Variants in CFAP99 observed in about 807,000 individuals in gnomAD.
The protein encoded by CFAP99 is cilia and flagella associated protein 99.
Under a neutral mutation model 82.7 loss-of-function variants are expected in CFAP99, and 84 were observed. The ratio of observed to expected loss-of-function variants is 1.02; its 90% CI spans 0.85 to 1.22. The LOEUF is 1.22. Among genes scored for constraint, CFAP99 ranks in the 50% most tolerant of loss-of-function variants. The probability of loss-of-function intolerance (pLI) is 0.00; values close to 1 mark genes in which losing one functional copy is unlikely to be tolerated. For synonymous variants in CFAP99, 456 were observed against 429.5 expected, an observed-to-expected ratio of 1.06 and a Z score of -0.76; for missense variants, 1,059 against 983.5, an observed-to-expected ratio of 1.08 and a Z score of -1.03.
chr4:2,435,889 G>GCAGCTACTCAGGAGGCCGAGGTGGGT (rs2108718245), intron 2 of CFAP99, among the ~76,000 whole-genome samples: 2 of 103,048 alleles, frequency 1.9e-5, no homozygotes, highest in African/African-American at 9.7e-5. Context: ...CCGAGGTGGG[G>GCAGCTACTCAGGAGGCCGAGGTGGGT]AGCAGCTACT....
rs1694792842 is a variant in CFAP99, at chr4:2,446,688, C to A, written c.642+1380C>A. On this transcript the variant is annotated intron_variant, in intron 6 of 14. Coordinates refer to ENST00000635017, the Ensembl canonical transcript of CFAP99. The surrounding 1 kb of genome is among the most constrained non-coding windows in gnomAD (Gnocchi z 5.0). ...TACAGGCGTAAGCCACCACACCTGG[C>A]CATTATTGGTCCCATATTCTCAATG... Among the ~76,000 whole-genome samples, 4 of 152,170 alleles carry A rather than the reference C, an allele frequency of 2.6e-5. No homozygotes were observed. Among genetic ancestry groups the A allele is most frequent in the African/African-American group, 9.7e-5 (4 of 41,424 alleles).
At chr4:2,443,738 C>T (rs986606414) in intron 5 of CFAP99, among the ~76,000 whole-genome samples, 1 of 152,150 alleles carries the variant, frequency 6.6e-6, no homozygotes. Flanking sequence ...AGATATCTCT[C>T]GGGGTCCCCA....
chr4:2,453,218 C>T (rs940446417), intron 11 of CFAP99, among the ~76,000 whole-genome samples: 3 of 152,122 alleles, frequency 2.0e-5, no homozygotes, highest in Non-Finnish European at 4.4e-5. Flanking sequence ...TCCCGTCTTT[C>T]GAAGCAAATA....
intron 11 of CFAP99, 51 bp from the exon 12 acceptor site, chr4:2,458,672 A>T (rs1578483652): frequency 1.3e-6 from 2 of 1,503,114 alleles, no homozygotes; most frequent in Admixed American, 4.2e-5. Context: ...GGGACCAGGC[A>T]GGGAAGCCGG....
rs553785212 is a variant in CFAP99, at chr4:2,433,594, G to A, written c.112-3280G>A. Among the ~76,000 whole-genome samples, 20 of 152,236 alleles carry A rather than the reference G, an allele frequency of 1.3e-4. No individual in the cohort carries two copies. The East Asian group carries it at 3.3e-3, about 25-fold the overall frequency. On this transcript the variant is annotated intron_variant, in intron 2 of 14. Transcript: ENST00000635017. ...CTCACCCACCGAGCCCCCTCTCCAT[G>A]CCCAGCCTCACTCACAGGATGTCAC...
chr4:2,437,009 C>T (rs964397535), exon 3 of CFAP99: 15 of 1,535,904 alleles, frequency 9.8e-6, no homozygotes, highest in Middle Eastern at 1.7e-4. Flanking sequence ...TGACCACAGC[C>T]GCTTCGAGGG....
intron 10 of CFAP99, 44 bp from the exon 11 acceptor site, chr4:2,452,098 C>A: frequency 6.5e-7 from 1 of 1,528,006 alleles, no homozygotes; most frequent in South Asian, 1.2e-5. Context: ...CAGCCTCTGT[C>A]ACGGGAGAAA....
intron 4 of CFAP99, among the ~76,000 whole-genome samples, chr4:2,442,084 G>A (rs1037807958): frequency 6.6e-6 from 1 of 152,162 alleles, no homozygotes; most frequent in Non-Finnish European, 1.5e-5. Context: ...CAGTGAGGAT[G>A]GGGGCCTCAA....
intron 1 of CFAP99, among the ~76,000 whole-genome samples, chr4:2,423,842 C>G (rs1203787): frequency 0.71 from 106,961 of 151,184 alleles, 38,471 homozygotes; most frequent in East Asian, 0.99. Context: ...CGCACTGGCG[C>G]AGGAACGCAC....
rs1267378390 is a variant in CFAP99 at position 2,451,076 on chromosome 4, C to G, written c.867+58C>G. ...TCCCTGGGCACCCACCCCTCCAGAC[C>G]TTTTCTGCCCGTAGAGGCTCAGATG... On this transcript the variant is annotated intron_variant, in intron 9 of 14. Coordinates refer to ENST00000635017, the Ensembl canonical transcript of CFAP99. 4.0e-6 allele frequency: 6 copies of G among 1,505,780 alleles called. No homozygotes were observed. The African/African-American group carries it at 5.5e-5, about 14-fold the overall frequency. The allele number at this position is 1,505,780 out of a possible 1,614,324, so 93.3% of individuals were successfully genotyped here.
At position 2,447,105 on chromosome 4, in the gene CFAP99, T is replaced by C. The variant is rs368227757; in HGVS notation, c.642+1797T>C. 5.3e-4 allele frequency among the ~76,000 whole-genome samples: 80 copies of C among 151,264 alleles called. 2 individuals carry two copies. The East Asian group carries it at 0.013, about 24-fold the overall frequency. On this transcript the variant is annotated intron_variant, in intron 6 of 14. Transcript: ENST00000635017. ...AAGGATGGGTGGGTGGATGGATGGA[T>C]GGATGATAGATGGTGAATGGATGGA...
intron 4 of CFAP99, among the ~76,000 whole-genome samples, chr4:2,442,693 T>A (rs1734071748): frequency 6.6e-6 from 1 of 152,052 alleles, no homozygotes; most frequent in African/African-American, 2.4e-5. Flanking sequence ...GACAAGGCCC[T>A]CCAAGCTGAG....
chr4:2,426,878 GC>G, intron 2 of CFAP99: 2 of 344,058 alleles, frequency 5.8e-6, no homozygotes, highest in Non-Finnish European at 5.5e-6. Flanking sequence ...GCCCTGGAGC[GC>G]CCCCATGCCC....
At chr4:2,459,623 G>A (rs1424648950) in intron 13 of CFAP99, among the ~76,000 whole-genome samples, 1 of 152,232 alleles carries the variant, frequency 6.6e-6, no homozygotes, top group African/African-American at 2.4e-5. Flanking sequence ...CATGGAGCAG[G>A]AGGTTGAGGA....
In CFAP99 at chr4:2,462,368, G is replaced by A. The variant is rs150137123; in HGVS notation, c.1662-75G>A. On this transcript the variant is annotated intron_variant, in intron 14 of 14. Coordinates refer to ENST00000635017, the Ensembl canonical transcript of CFAP99. This position sits in a 1 kb window ranked among gnomAD's most constrained non-coding sequence, Gnocchi z 4.1. ...GTAGCTCCTTGCCCCCGCGTCGCTT[G>A]GACACGGGTGGCATCCTGGGTCTGG... 1.5e-3 allele frequency: 2,055 copies of A among 1,327,100 alleles called. 18 individuals carry two copies. The African/African-American group carries it at 0.018, about 11-fold the overall frequency. The allele number at this position is 1,327,100 out of a possible 1,614,324, so 82.2% of individuals were successfully genotyped here.
At chr4:2,454,374 T>A (rs1015009099) in intron 11 of CFAP99, among the ~76,000 whole-genome samples, 3 of 152,064 alleles carry the variant, frequency 2.0e-5, no homozygotes, top group African/African-American at 7.2e-5. Flanking sequence ...TGACCTCAAG[T>A]GATCCACCTG....
At chr4:2,421,873 T>A (rs1392588301) in intron 1 of CFAP99, among the ~76,000 whole-genome samples, 1 of 139,338 alleles carries the variant, frequency 7.2e-6, no homozygotes, top group African/African-American at 3.0e-5. Flanking sequence ...AAGACCCCTG[T>A]CTCTACAAAA....
intron 6 of CFAP99, among the ~76,000 whole-genome samples, chr4:2,447,149 GGTAGATGGATGAGCAGATGGGTGA>G: frequency 6.6e-6 from 1 of 151,030 alleles, no homozygotes; most frequent in Non-Finnish European, 1.5e-5. Context: ...TGATCAGATG[GGTAGATGGATGAGCAGATGGGTGA>G]GTAGATGGAT....
At position 2,459,218 on chromosome 4, in the gene CFAP99, C is replaced by G. The variant is rs1734515988; in HGVS notation, c.1415C>G (p.Thr472Arg). ...ATCTCCCAGCTGCGCGCACTCGAGA[C>G]ACAGCCCACGCGCAAGGGCAAGCTC... The change falls in exon 13 of 15, where the codon ACA (threonine) becomes AGA (arginine). Residue 472 changes from threonine (T) to arginine (R), a missense_variant. Transcript: ENST00000635017. 5.2e-6 allele frequency: 8 copies of G among 1,535,550 alleles called. No homozygotes were observed. The highest frequency in any genetic ancestry group is 7.0e-6 in the Non-Finnish European group (8 of 1,146,734).
Sources: gnomAD v4.1 joint callset for allele counts (sites outside exome capture counted in the v4.1 genomes callset) on GRCh38, gnomAD v4.1.1 for gene constraint, Gnocchi (gnomAD v3.1) non-coding constraint, MANE v1.5 for transcripts, NCBI Gene and HGNC (gene_info 2026-07-23, HGNC 2026-07-21) for gene names.